RSPH6A: variants seen among roughly 807,000 people sequenced by gnomAD.
RSPH6A encodes radial spoke head protein 6 homolog A.
A neutral mutation model predicts 66.1 loss-of-function variants in RSPH6A; 49 were observed. The ratio of observed to expected loss-of-function variants is 0.74; its 90% CI spans 0.59 to 0.94. RSPH6A has a LOEUF of 0.94. Ranked by LOEUF, RSPH6A falls within the 40% of genes least tolerant of loss-of-function variation. The probability of loss-of-function intolerance (pLI) is 0.00; values close to 1 mark genes in which losing one functional copy is unlikely to be tolerated. For missense variants in RSPH6A, 977 were observed against 948.3 expected, an observed-to-expected ratio of 1.03 and a Z score of -0.40; for synonymous variants, 419 against 402.4, an observed-to-expected ratio of 1.04 and a Z score of -0.49.
intron 1 of RSPH6A, among the ~76,000 whole-genome samples, chr19:45,811,746 T>G (rs1401932694): frequency 6.7e-5 from 1 of 14,820 alleles, no homozygotes; most frequent in South Asian, 1.4e-3. Context: ...AACATTTGTA[T>G]TATTATTATT....
chr19:45,807,861 T>C (rs1310272019), intron 2 of RSPH6A, among the ~76,000 whole-genome samples: 1 of 152,186 alleles, frequency 6.6e-6, no homozygotes, highest in East Asian at 1.9e-4. Context: ...CAGCTCTCTT[T>C]GTTTAGGGAC....
intron 4 of RSPH6A, 65 bp downstream of exon 4, chr19:45,802,055 C>G (rs1307350173): frequency 7.5e-7 from 1 of 1,335,492 alleles, no homozygotes; most frequent in East Asian, 2.8e-5. Flanking sequence ...AGCAGTCCAG[C>G]CACCCCTCCC....
At chr19:45,808,197 C>T (rs564025872) in intron 2 of RSPH6A, among the ~76,000 whole-genome samples, 11 of 152,282 alleles carry the variant, frequency 7.2e-5, no homozygotes, top group African/African-American at 2.6e-4. Context: ...GAGGCCGAGG[C>T]GGACAGATCA....
In RSPH6A at chr19:45,815,307, G is replaced by A; in HGVS notation, c.-131C>T. The A allele has an allele frequency of 8.7e-7, 1 of 1,145,442 alleles. No homozygotes were observed. The highest frequency in any genetic ancestry group is 1.2e-6 in the Non-Finnish European group (1 of 835,006). 71.0% of individuals were successfully genotyped at this position (1,145,442 alleles called of 1,614,324 possible). A position where few individuals can be genotyped will look rare whatever the true frequency, so the allele number is the denominator to read the frequency against. On this transcript the variant is annotated 5_prime_UTR_variant, in exon 1 of 6. Coordinates refer to ENST00000221538, the MANE Select transcript of RSPH6A (RefSeq NM_030785.4). ...CCGTTACCCGTGGAGGGCGCGGGGA[G>A]CGGGCCAGGGTGGGTTCCGCGCAGG...
At position 45,795,819 on chromosome 19, in the gene RSPH6A, G is replaced by T; in HGVS notation, c.*50C>A. 1 of 1,506,376 alleles carries T rather than the reference G, an allele frequency of 6.6e-7. No individual in the cohort carries two copies. The allele number at this position is 1,506,376 out of a possible 1,614,324, so 93.3% of individuals were successfully genotyped here. ...TATAATCCATGCTAACTACCTCTAA[G>T]GGGAAATTTGCTATCTACCTGCTTG... On this transcript the variant is annotated 3_prime_UTR_variant, in exon 6 of 6. Transcript: ENST00000221538.
rs778223516 is a variant in RSPH6A, at chr19:45,804,960, G to A, written c.945C>T (p.Gly315=). The A allele has an allele frequency of 6.8e-6, 11 of 1,613,826 alleles. No homozygotes were observed. The highest frequency in any genetic ancestry group is 1.6e-4 in the Middle Eastern group (1 of 6,084). ...AGCTCTCGTCCGAGCTCAGGCCGAC[G>A]CCGGCCTGCTCGAAGTAGAAGGCAG... ...METAFYFEQA[G]VGLSSDESFR... Residue 315 remains glycine (G), a synonymous_variant, in exon 3 of 6, where the codon GGC becomes GGT. Transcript: ENST00000221538. This position sits in a 1 kb window ranked among gnomAD's most constrained non-coding sequence, Gnocchi z 5.8.
Position 45,804,732 on chromosome 19 carries a change from C to T in RSPH6A, c.1173G>A (p.Glu391=). ...CGGCCTTCTCCTCGTCCTCCTCGCC[C>T]TCCTCCTCGCCGTGCGCCTCCATGA... is the stretch of plus-strand genomic sequence containing the variant. The part of the protein sequence containing the change: ...GEVMEAHGEE[E]GEEDEEKAVD... The change falls in exon 3 of 6, where the codon GAG becomes GAA. Residue 391 remains glutamate, a synonymous_variant. Coordinates refer to ENST00000221538, the MANE Select transcript of RSPH6A (RefSeq NM_030785.4). The surrounding 1 kb of genome is among the most constrained non-coding windows in gnomAD (Gnocchi z 5.8). 6.2e-7 allele frequency: 1 copy of T among 1,613,224 alleles called. No individual in the cohort carries two copies. Among genetic ancestry groups the T allele is most frequent in the South Asian group, 1.1e-5 (1 of 90,994 alleles).
At chr19:45,811,640 T>C (rs1043240528) in intron 1 of RSPH6A, among the ~76,000 whole-genome samples, 35 of 151,786 alleles carry the variant, frequency 2.3e-4, no homozygotes, top group African/African-American at 8.5e-4. Context: ...TTCGCCATGG[T>C]GGCCAGGCTG....
chr19:45,800,817 CAG>C (rs1273793591), intron 4 of RSPH6A, among the ~76,000 whole-genome samples: 2 of 146,072 alleles, frequency 1.4e-5, no homozygotes, highest in East Asian at 4.0e-4. Flanking sequence ...TTTTTGGAGA[CAG>C]AGTCTCGTCG....
chr19:45,808,462 G>A (rs539658865), intron 2 of RSPH6A, among the ~76,000 whole-genome samples: 32 of 147,188 alleles, frequency 2.2e-4, no homozygotes, highest in Admixed American at 1.6e-3. Flanking sequence ...GCATGGTGGC[G>A]GGCACCTGTA....
In RSPH6A at chr19:45,814,966, T is replaced by C. The variant is rs779012986; in HGVS notation, c.211A>G (p.Met71Val). ...GSLSQQENLL[M>V]PQVFQAEEAR... ...TCCTCAGCCTGGAAGACCTGGGGCA[T>C]CAGCAAGTTCTCCTGTTGGGACAGG... The change falls in exon 1 of 6, where the codon ATG (methionine) becomes GTG (valine). Residue 71 changes from methionine to valine, a missense_variant. Coordinates refer to ENST00000221538, the MANE Select transcript of RSPH6A (RefSeq NM_030785.4). 1.2e-6 allele frequency: 2 copies of C among 1,613,992 alleles called. No individual in the cohort carries two copies. The highest frequency in any genetic ancestry group is 2.2e-5 in the South Asian group (2 of 91,068).
chr19:45,806,670 CAAAAAAAAAAAAAAAAAAA>C (rs71175223), intron 2 of RSPH6A, among the ~76,000 whole-genome samples: 2 of 29,128 alleles, frequency 6.9e-5, no homozygotes, highest in African/African-American at 1.6e-4. Flanking sequence ...GACTCTGTCT[CAAAAAAAAAAAAAAAAAAA>C]AAAAAAAAAA....
chr19:45,800,491 A>G lies in RSPH6A; in HGVS notation c.1871T>C (p.Val624Ala), dbSNP rs1244613321. 1 of 1,613,602 alleles carries G rather than the reference A, an allele frequency of 6.2e-7. No homozygotes were observed. The highest frequency in any genetic ancestry group is 1.7e-5 in the Admixed American group (1 of 59,956). The change falls in exon 5 of 6, where the codon GTG becomes GCG. Residue 624 changes from valine to alanine, a missense_variant. Coordinates refer to ENST00000221538, the MANE Select transcript of RSPH6A (RefSeq NM_030785.4). ...GGCCCCGGGCCAGAGGTTGGAGCGC[A>G]CAACGGCCACTGAGTACTGCGGGCA... ...SLCPQYSVAVVRSNLWPGAYA... is the reference protein window; with the variant it reads ...SLCPQYSVAVARSNLWPGAYA...
intron 4 of RSPH6A, among the ~76,000 whole-genome samples, chr19:45,801,099 G>A (rs1970468962): frequency 6.6e-6 from 1 of 152,110 alleles, no homozygotes; most frequent in South Asian, 2.1e-4. Flanking sequence ...CGCCTGGCCT[G>A]GACCACTCTT....
At position 45,796,952 on chromosome 19, in the gene RSPH6A, C is replaced by A. The variant is rs539283157; in HGVS notation, c.1917-846G>T. ...GTTGCAGTAGCACGTACCTGTGGTT[C>A]CAGCTACTGGGGAGGCTGAGGGGGG... On this transcript the variant is annotated intron_variant, in intron 5 of 5. Coordinates refer to ENST00000221538, the MANE Select transcript of RSPH6A (RefSeq NM_030785.4). 5.9e-5 allele frequency among the ~76,000 whole-genome samples: 9 copies of A among 152,260 alleles called. No homozygotes were observed. The South Asian group carries it at 1.0e-3, about 18-fold the overall frequency.
intron 1 of RSPH6A, among the ~76,000 whole-genome samples, chr19:45,811,451 T>C (rs956306332): frequency 1.4e-4 from 22 of 152,050 alleles, no homozygotes; most frequent in Non-Finnish European, 4.4e-5. Context: ...TTTTAATTTA[T>C]TTTTCAGAGG....
intron 4 of RSPH6A, 61 bp downstream of exon 4, chr19:45,802,059 C>T: frequency 7.5e-7 from 1 of 1,338,744 alleles, no homozygotes; most frequent in Non-Finnish European, 9.7e-7. Flanking sequence ...GTCCAGCCAC[C>T]CCTCCCTTTC....
At position 45,804,320 on chromosome 19, in the gene RSPH6A, T is replaced by A. The variant is rs758375635; in HGVS notation, c.1585A>T (p.Ile529Phe). The A allele has an allele frequency of 2.5e-6, 4 of 1,614,216 alleles. No homozygotes were observed. The Admixed American group carries it at 6.7e-5, about 27-fold the overall frequency. Reference sequence around the variant, plus strand: ...GAGTCGACCAGCTCCAGCACGGGGATGCCCTCGAAGTCCGGGTTCTCCTCG... The same window carrying A: ...GAGTCGACCAGCTCCAGCACGGGGAAGCCCTCGAAGTCCGGGTTCTCCTCG... ...SYEENPDFEG[I>F]PVLELVDSMA... is the part of the protein sequence containing the mutation. Residue 529 changes from isoleucine to phenylalanine, a missense_variant, in exon 3 of 6, where the codon ATC (isoleucine) becomes TTC (phenylalanine). By Grantham distance (21) the Ile-to-Phe change is conservative. Transcript: ENST00000221538. The surrounding 1 kb of genome is among the most constrained non-coding windows in gnomAD (Gnocchi z 5.8).
Position 45,802,231 on chromosome 19 carries a change from T to C in RSPH6A, c.1687A>G (p.Thr563Ala). The C allele has an allele frequency of 6.5e-7, 1 of 1,533,974 alleles. No individual in the cohort carries two copies. Among genetic ancestry groups the C allele is most frequent in the Non-Finnish European group, 8.8e-7 (1 of 1,134,916 alleles). The change falls in exon 4 of 6, where the codon ACA becomes GCA. Residue 563 changes from threonine to alanine, a missense_variant. Thr to Ala is a moderately conservative substitution (Grantham distance 58). Transcript: ENST00000221538. ...TCCCCCAGGTCCTCCTCCTCCTCTGTCTTCTGCAAAGGGTTCACCCAAGTG... is the reference window on the plus strand; with the variant it reads ...TCCCCCAGGTCCTCCTCCTCCTCTGCCTTCTGCAAAGGGTTCACCCAAGTG... ...RCTWVNPLQK[T>A]EEEEDLGEEE...
Sources: allele counts gnomAD v4.1 joint callset (sites outside exome capture counted in the v4.1 genomes callset), GRCh38; gene constraint gnomAD v4.1.1; non-coding constraint Gnocchi (gnomAD v3.1); transcripts MANE v1.5; gene names NCBI Gene and HGNC (gene_info 2026-07-23, HGNC 2026-07-21).